KDM5B: variants seen among roughly 807,000 people sequenced by gnomAD.
KDM5B encodes lysine demethylase 5B, also known as lysine-specific demethylase 5B.
A neutral mutation model predicts 193.4 loss-of-function variants in KDM5B; 144 were observed. That is an observed-to-expected ratio of 0.74 (90% confidence interval 0.65 to 0.86). The LOEUF is 0.86. Ranked by LOEUF, KDM5B falls within the 40% of genes least tolerant of loss-of-function variation. KDM5B has a pLI of 0.00. For missense variants in KDM5B, 1,833 were observed against 1,886.9 expected (o/e 0.97, Z 0.53); for synonymous variants, 668 against 682.6 (o/e 0.98, Z 0.33).
intron 26 of KDM5B, chr1:202,729,384 T>C: frequency 1.6e-6 from 1 of 633,328 alleles, no homozygotes; most frequent in African/African-American, 1.8e-5. Context: ...GTGTCTGCTT[T>C]GGGGTTAAGA....
In KDM5B at chr1:202,733,458, T is replaced by A; in HGVS notation, c.3852A>T (p.Ser1284=). 1 of 1,614,176 alleles carries A rather than the reference T, an allele frequency of 6.2e-7. No individual in the cohort carries two copies. The highest frequency in any genetic ancestry group is 8.5e-7 in the Non-Finnish European group (1 of 1,179,994). Residue 1284 remains serine (S), a synonymous_variant, in exon 23 of 27, where the codon TCA becomes TCT. Transcript: ENST00000367265. ...CTTGCCATCTGCTATATAACAGTCC[T>A]GAGCCCACTCGATCTTGCACAAATT... ...NLKFVQDRVG[S]GLLYSRWQAS...
intron 9 of KDM5B, 108 bp from the exon 10 acceptor site, chr1:202,756,624 T>A: frequency 1.4e-6 from 1 of 720,908 alleles, no homozygotes; most frequent in Non-Finnish European, 2.1e-6. Context: ...AAATTGTGTC[T>A]ATAATGTTCT....
intron 4 of KDM5B, among the ~76,000 whole-genome samples, chr1:202,770,824 A>C (rs774888264): frequency 2.6e-5 from 4 of 152,244 alleles, no homozygotes; most frequent in Non-Finnish European, 4.4e-5. Context: ...CTATGTTTTT[A>C]AACTTTCTAC....
chr1:202,744,949 C>T (rs1307861959), intron 16 of KDM5B, among the ~76,000 whole-genome samples: 3 of 152,190 alleles, frequency 2.0e-5, no homozygotes, highest in Non-Finnish European at 2.9e-5. Flanking sequence ...TACATATACA[C>T]CATGGAATAC....
intron 20 of KDM5B, among the ~76,000 whole-genome samples, chr1:202,737,448 G>A (rs1655137080): frequency 6.6e-6 from 1 of 152,192 alleles, no homozygotes; most frequent in Admixed American, 6.5e-5. Context: ...CAAACTAGGA[G>A]AGTAAAAGCA....
chr1:202,804,695 C>G (rs1658211516), intron 1 of KDM5B, among the ~76,000 whole-genome samples: 1 of 152,026 alleles, frequency 6.6e-6, no homozygotes, highest in Admixed American at 6.6e-5. Context: ...TTTAAACCTT[C>G]TCCGGACACA....
intron 4 of KDM5B, among the ~76,000 whole-genome samples, chr1:202,770,895 T>C (rs1201718314): frequency 2.0e-5 from 3 of 152,222 alleles, no homozygotes; most frequent in Admixed American, 6.5e-5. Flanking sequence ...CACAAATATC[T>C]ACCTATATTG....
intron 1 of KDM5B, among the ~76,000 whole-genome samples, chr1:202,779,848 A>AAAT (rs1268660259): frequency 8.8e-5 from 11 of 124,812 alleles, no homozygotes; most frequent in Admixed American, 6.5e-4. Flanking sequence ...AATAAATAAA[A>AAAT]AATAAAGGAA....
chr1:202,735,674 T>A (rs1655064669), intron 21 of KDM5B, 87 bp from the exon 22 acceptor site: 3 of 1,242,072 alleles, frequency 2.4e-6, no homozygotes, highest in African/African-American at 1.5e-5. Flanking sequence ...GCCTAAGCAG[T>A]AAAAAGGATG....
In KDM5B at chr1:202,799,451, C is replaced by A. The variant is rs185557969; in HGVS notation, c.204+8651G>T. ...GGCGGGTCACCTGAGGTCGGGAGTT[C>A]GAGACCAGCCTGACCAAGATGGAGA... On this transcript the variant is annotated intron_variant, in intron 1 of 26. Transcript: ENST00000367265. Among the ~76,000 whole-genome samples, 1,086 of 152,176 alleles carry A rather than the reference C, an allele frequency of 7.1e-3. 9 individuals are homozygous for A. Among genetic ancestry groups the A allele is most frequent in the African/African-American group, 0.025 (1,036 of 41,508 alleles).
chr1:202,788,335 C>A (rs1180005553), intron 1 of KDM5B, among the ~76,000 whole-genome samples: 4 of 151,982 alleles, frequency 2.6e-5, no homozygotes, highest in African/African-American at 9.7e-5. Context: ...ACAGATAGGC[C>A]ATGGTGAAAG....
intron 3 of KDM5B, 148 bp downstream of exon 3, chr1:202,774,465 C>G (rs1457239936): frequency 2.0e-5 from 14 of 687,734 alleles, no homozygotes; most frequent in Non-Finnish European, 3.4e-5. Context: ...TGGTCTCAAG[C>G]AATCCTCCTC....
chr1:202,770,826 A>G (rs1656682884), intron 4 of KDM5B, among the ~76,000 whole-genome samples: 1 of 152,202 alleles, frequency 6.6e-6, no homozygotes, highest in African/African-American at 2.4e-5. Context: ...ATGTTTTTAA[A>G]CTTTCTACAA....
At chr1:202,735,826 T>C (rs1655071831) in intron 21 of KDM5B, among the ~76,000 whole-genome samples, 1 of 152,218 alleles carries the variant, frequency 6.6e-6, no homozygotes, top group African/African-American at 2.4e-5. Context: ...ATATACTGGT[T>C]GATCCCAGTC....
At chr1:202,803,684 G>A (rs1469479749) in intron 1 of KDM5B, among the ~76,000 whole-genome samples, 7 of 151,968 alleles carry the variant, frequency 4.6e-5, no homozygotes, top group East Asian at 3.9e-4. Context: ...TTAGCCGGGC[G>A]TGGCGGTGCA....
intron 1 of KDM5B, chr1:202,796,620 G>A (rs1348392581): frequency 6.2e-6 from 1 of 160,020 alleles, no homozygotes; most frequent in Non-Finnish European, 1.4e-5. Context: ...ACCTGTGTTT[G>A]AGCTCCGGTG....
At chr1:202,747,699 G>A (rs1159486885) in intron 14 of KDM5B, among the ~76,000 whole-genome samples, 1 of 151,858 alleles carries the variant, frequency 6.6e-6, no homozygotes, top group Non-Finnish European at 1.5e-5. Flanking sequence ...CAAGTCAATT[G>A]TCTCTCTAAA....
Position 202,729,985 on chromosome 1 carries a change from CA to C in KDM5B, c.4218del (p.Glu1407ArgfsTer4), listed in dbSNP as rs763877883. 1 of 1,613,576 alleles carries C rather than the reference CA, an allele frequency of 6.2e-7. No individual in the cohort carries two copies. Among genetic ancestry groups the C allele is most frequent in the South Asian group, 1.1e-5 (1 of 91,040 alleles). On this transcript the variant is annotated frameshift_variant, in exon 26 of 27. Coordinates refer to ENST00000367265, the MANE Select transcript of KDM5B (RefSeq NM_006618.5). LOFTEE classifies it high-confidence loss of function. Reference protein sequence around the residue: ...CRGKRDGINSLERKLKRRLER... With the variant: ...CRGKRDGINSXERKLKRRLER... Reference sequence around the variant, plus strand: ...TCCAGGCGTCTCTTCAGTTTTCTCTCAAGACTGTTAATTCCATCTCGCTTCC... The same window carrying C: ...TCCAGGCGTCTCTTCAGTTTTCTCTCAGACTGTTAATTCCATCTCGCTTCC...
intron 8 of KDM5B, among the ~76,000 whole-genome samples, chr1:202,759,356 G>A (rs1246184512): frequency 1.3e-5 from 2 of 151,882 alleles, no homozygotes; most frequent in Admixed American, 6.6e-5. Flanking sequence ...CATGGACAAC[G>A]TGGCAAAACC....
Sources: allele counts gnomAD v4.1 joint callset (sites outside exome capture counted in the v4.1 genomes callset), GRCh38; gene constraint gnomAD v4.1.1; transcripts MANE v1.5; gene names NCBI Gene and HGNC (gene_info 2026-07-23, HGNC 2026-07-21).